The following EYS variants were observed in gnomAD, a reference collection of about 807,000 sequenced individuals.
EYS encodes EGF-like photoreceptor maintenance factor.
Under a neutral mutation model 282.1 loss-of-function variants are expected in EYS, and 250 were observed. The ratio of observed to expected loss-of-function variants is 0.89; its 90% CI spans 0.80 to 0.98. The LOEUF is 0.98. Ranked by LOEUF, EYS falls within the 50% of genes least tolerant of loss-of-function variation. EYS has a pLI of 0.00. For synonymous variants in EYS, 1,355 were observed against 1,282.9 expected (o/e 1.06, Z -1.20); for missense variants, 4,016 against 3,709.0 (o/e 1.08, Z -2.15).
intron 2 of EYS, among the ~76,000 whole-genome samples, chr6:65,602,993 G>A (rs1255738324): frequency 6.6e-6 from 1 of 151,900 alleles, no homozygotes; most frequent in Non-Finnish European, 1.5e-5. Context: ...GTTCGGTAAG[G>A]GATGGTTTTG....
At chr6:64,025,649 G>A (rs1190724181) in intron 33 of EYS, among the ~76,000 whole-genome samples, 1 of 152,122 alleles carries the variant, frequency 6.6e-6, no homozygotes, top group Non-Finnish European at 1.5e-5. Flanking sequence ...CCGTCATAGT[G>A]GGGACTACCT....
chr6:64,171,361 C>A (rs1373017941), intron 31 of EYS, among the ~76,000 whole-genome samples: 1 of 152,148 alleles, frequency 6.6e-6, no homozygotes, highest in Admixed American at 6.5e-5. Context: ...GAGTAGTCAA[C>A]ATATAATGTC....
intron 1 of EYS, among the ~76,000 whole-genome samples, chr6:65,661,959 G>T (rs1204755983): frequency 6.6e-6 from 1 of 152,062 alleles, no homozygotes; most frequent in Non-Finnish European, 1.5e-5. Context: ...GAGGCAAGAA[G>T]GAGGTTACTT....
chr6:64,227,350 CT>C (rs1766281810), intron 31 of EYS, among the ~76,000 whole-genome samples: 1 of 151,922 alleles, frequency 6.6e-6, no homozygotes, highest in Admixed American at 6.6e-5. Context: ...AGAAAACTCT[CT>C]TTTCTTCCTA....
At chr6:65,583,147 G>C (rs776622635) in intron 2 of EYS, among the ~76,000 whole-genome samples, 11 of 152,008 alleles carry the variant, frequency 7.2e-5, no homozygotes, top group Non-Finnish European at 1.5e-4. Flanking sequence ...CTAATTGTTA[G>C]ATAATACTGC....
chr6:64,278,287 ATTAT>A (rs1768182178), intron 30 of EYS, among the ~76,000 whole-genome samples: 1 of 152,126 alleles, frequency 6.6e-6, no homozygotes, highest in African/African-American at 2.4e-5. Flanking sequence ...CAGCATCTTT[ATTAT>A]CTTTGGAATA....
At chr6:63,971,893 G>A (rs1371150504) in intron 35 of EYS, among the ~76,000 whole-genome samples, 1 of 152,210 alleles carries the variant, frequency 6.6e-6, no homozygotes, top group East Asian at 1.9e-4. Context: ...CACATGGTAA[G>A]TTAGGTGAGA....
At chr6:65,418,775 C>A (rs1351355590) in intron 5 of EYS, among the ~76,000 whole-genome samples, 1 of 151,888 alleles carries the variant, frequency 6.6e-6, no homozygotes, top group African/African-American at 2.4e-5. Flanking sequence ...TCATGACAAA[C>A]GTATACCTGT....
intron 12 of EYS, among the ~76,000 whole-genome samples, chr6:65,071,217 A>C (rs1773893321): frequency 6.6e-6 from 1 of 151,912 alleles, no homozygotes; most frequent in South Asian, 2.1e-4. Context: ...GAATTTAGAA[A>C]AAAAACAAAA....
rs141505142 is a variant in EYS, at chr6:63,930,015, C to T, written c.7055+54368G>A. Among the ~76,000 whole-genome samples the T allele has an allele frequency of 1.8e-3, 269 of 152,198 alleles. 4 individuals are homozygous for T. The East Asian group carries it at 0.042, about 24-fold the overall frequency. ...TACTCAATATCTCTTGACTTCCTAC[C>T]GTGTGAGATTAAAATATTAACACCT... On this transcript the variant is annotated intron_variant, in intron 35 of 42. Coordinates refer to ENST00000503581, the MANE Select transcript of EYS (RefSeq NM_001142800.2).
At chr6:64,893,515 A>G (rs1382871914) in intron 18 of EYS, among the ~76,000 whole-genome samples, 1 of 152,028 alleles carries the variant, frequency 6.6e-6, no homozygotes, top group Non-Finnish European at 1.5e-5. Context: ...TGAGTACTTT[A>G]TCAATAGGTT....
intron 31 of EYS, among the ~76,000 whole-genome samples, chr6:64,157,722 A>C (rs1582358024): frequency 6.6e-6 from 1 of 152,328 alleles, no homozygotes. Flanking sequence ...AATGCACAGA[A>C]ATCAAGAATT....
At chr6:64,023,689 C>G (rs992184689) in intron 33 of EYS, among the ~76,000 whole-genome samples, 3 of 152,264 alleles carry the variant, frequency 2.0e-5, no homozygotes, top group Non-Finnish European at 2.9e-5. Flanking sequence ...CTTGGGGAGG[C>G]CTTCAGCCTG....
At chr6:63,803,606 C>T (rs1423256887) in intron 37 of EYS, among the ~76,000 whole-genome samples, 1 of 152,186 alleles carries the variant, frequency 6.6e-6, no homozygotes, top group African/African-American at 2.4e-5. Context: ...AGCATTTGAA[C>T]TGAGAATCCC....
intron 11 of EYS, among the ~76,000 whole-genome samples, chr6:65,302,260 A>C (rs2150291217): frequency 6.6e-6 from 1 of 152,208 alleles, no homozygotes; most frequent in South Asian, 2.1e-4. Context: ...TGAGGAGGAA[A>C]ATTTTTTCTG....
intron 35 of EYS, among the ~76,000 whole-genome samples, chr6:63,874,240 G>A (rs1033554828): frequency 1.2e-4 from 19 of 152,060 alleles, no homozygotes; most frequent in African/African-American, 4.6e-4. Context: ...AGCACCATTT[G>A]TTAAATAGGG....
At chr6:64,121,238 C>A (rs1261830759) in intron 31 of EYS, among the ~76,000 whole-genome samples, 1 of 152,200 alleles carries the variant, frequency 6.6e-6, no homozygotes, top group Admixed American at 6.5e-5. Context: ...CATAACTTAA[C>A]CTAATCAAGG....
At chr6:65,330,702 T>A (rs1218635290) in intron 11 of EYS, 3 of 946,336 alleles carry the variant, frequency 3.2e-6, no homozygotes, top group Non-Finnish European at 3.8e-6. Context: ...ATTATAATAC[T>A]ATCATTATTT....
At chr6:64,498,956 T>A (rs1382223458) in intron 26 of EYS, among the ~76,000 whole-genome samples, 1 of 152,220 alleles carries the variant, frequency 6.6e-6, no homozygotes, top group African/African-American at 2.4e-5. Flanking sequence ...GAATGATTTA[T>A]AATCCTTTGG....
Sources: gnomAD v4.1 joint callset for allele counts (sites outside exome capture counted in the v4.1 genomes callset) on GRCh38, gnomAD v4.1.1 for gene constraint, MANE v1.5 for transcripts, NCBI Gene and HGNC (gene_info 2026-07-23, HGNC 2026-07-21) for gene names.